The following KLHDC4 variants were observed in gnomAD, a reference collection of about 807,000 sequenced individuals.
KLHDC4 encodes the protein kelch domain-containing protein 4.
In KLHDC4, 90 loss-of-function variants were observed where a neutral mutation model predicts 62.4. The observed-to-expected ratio is 1.44, with a 90% CI of 1.22 to 1.72. KLHDC4 has a LOEUF of 1.72. KLHDC4 is among the 40% of genes most tolerant of loss of function. KLHDC4 has a pLI of 0.00. For synonymous variants in KLHDC4, 386 were observed against 284.4 expected, an observed-to-expected ratio of 1.36 and a Z score of -3.59; for missense variants, 1,025 against 699.7, an observed-to-expected ratio of 1.47 and a Z score of -5.25.
chr16:87,746,271 TGAA>T (rs1266651702), intron 5 of KLHDC4, among the ~76,000 whole-genome samples: 1 of 147,432 alleles, frequency 6.8e-6, no homozygotes, highest in Admixed American at 6.8e-5. Context: ...CTTTGTCTCT[TGAA>T]GAAGGAAGAA....
At chr16:87,722,861 G>A (rs745335877) in intron 7 of KLHDC4, among the ~76,000 whole-genome samples, 46 of 152,248 alleles carry the variant, frequency 3.0e-4, no homozygotes, top group Non-Finnish European at 1.0e-4. Flanking sequence ...CAGGGGTCAG[G>A]CACTCTCCAA....
chr16:87,765,221 G>A (rs1028574257), intron 1 of KLHDC4: 33 of 455,914 alleles, frequency 7.2e-5, no homozygotes, highest in Non-Finnish European at 1.3e-4. Flanking sequence ...GGACCAGAGG[G>A]AAGGAGACAA....
chr16:87,709,239 C>T (rs775779871), intron 10 of KLHDC4, 26 bp downstream of exon 10: 20 of 1,593,880 alleles, frequency 1.3e-5, no homozygotes, highest in Middle Eastern at 1.7e-4. Flanking sequence ...CTCCCGGGCA[C>T]GGAGGCACCA....
intron 7 of KLHDC4, among the ~76,000 whole-genome samples, chr16:87,718,676 C>T (rs1284252424): frequency 3.3e-5 from 5 of 151,690 alleles, no homozygotes; most frequent in African/African-American, 9.7e-5. Flanking sequence ...GCGTCTCTGC[C>T]TGGCCGCCCA....
intron 7 of KLHDC4, among the ~76,000 whole-genome samples, chr16:87,722,099 A>G (rs1046462077): frequency 1.3e-5 from 2 of 152,204 alleles, no homozygotes; most frequent in African/African-American, 4.8e-5. Context: ...TGCTGGGTCT[A>G]AGGACTGAGT....
chr16:87,713,827 T>C (rs369091713), intron 8 of KLHDC4, among the ~76,000 whole-genome samples: 2 of 152,216 alleles, frequency 1.3e-5, no homozygotes, highest in South Asian at 2.1e-4. Flanking sequence ...ATGATGATTG[T>C]TCCCCTGTGC....
At chr16:87,761,908 AG>A in intron 2 of KLHDC4, 40 bp downstream of exon 2, 3 of 1,590,924 alleles carry the variant, frequency 1.9e-6, no homozygotes, top group Non-Finnish European at 2.6e-6. Flanking sequence ...AATGTATAGA[AG>A]AAAAGGAAAC....
chr16:87,710,098 A>T (rs1282859844), intron 9 of KLHDC4: 2 of 170,416 alleles, frequency 1.2e-5, no homozygotes, highest in Non-Finnish European at 2.5e-5. Flanking sequence ...CAAGCAAGAC[A>T]GACGGTCAGG....
At chr16:87,701,631 T>C (rs752558881) in exon 1 of KLHDC4, 31 of 450,332 alleles carry the variant, frequency 6.9e-5, no homozygotes, top group South Asian at 2.8e-4. Flanking sequence ...CAACCTCACA[T>C]GCCTACCTCA....
intron 7 of KLHDC4, among the ~76,000 whole-genome samples, chr16:87,716,432 CGA>C: frequency 6.6e-6 from 1 of 152,306 alleles, no homozygotes; most frequent in South Asian, 2.1e-4. Context: ...GGTTGTTCAA[CGA>C]CACACAGCTG....
At chr16:87,702,725 C>G (rs1169971003), upstream of KLHDC4, 1 of 210,198 alleles carries the variant, frequency 4.8e-6, no homozygotes, top group Non-Finnish European at 9.8e-6. Context: ...GAGCCTGCTG[C>G]AAACATCTCT....
At chr16:87,714,335 G>GGGGGGGCCCCCCC in intron 8 of KLHDC4, 163 bp downstream of exon 8, 1 of 150,338 alleles carries the variant, frequency 6.7e-6, no homozygotes, top group Non-Finnish European at 1.5e-5. Context: ...TATGGAGCCT[G>GGGGGGGCCCCCCC]TCCCACCCGG....
chr16:87,700,624 G>A (rs1597318736), exon 1 of KLHDC4: 1 of 220,318 alleles, frequency 4.5e-6, no homozygotes, highest in South Asian at 4.7e-5. Flanking sequence ...ACAGGGTGGA[G>A]GGAGGAGGGA....
At chr16:87,735,094 C>T (rs190568330) in intron 5 of KLHDC4, among the ~76,000 whole-genome samples, 7 of 151,258 alleles carry the variant, frequency 4.6e-5, no homozygotes, top group Non-Finnish European at 7.4e-5. Context: ...AGGATCAGAC[C>T]TTCATTCAAA....
At chr16:87,743,635 G>A (rs986946361) in intron 5 of KLHDC4, among the ~76,000 whole-genome samples, 1 of 151,908 alleles carries the variant, frequency 6.6e-6, no homozygotes, top group African/African-American at 2.4e-5. Flanking sequence ...AGCTACTCGG[G>A]AGGCTGAGGC....
At chr16:87,729,415 G>C (rs1006686083) in intron 6 of KLHDC4, 1 of 152,238 alleles carries the variant, frequency 6.6e-6, no homozygotes. Context: ...CGGAGATACA[G>C]ACAGCCACTG....
chr16:87,765,891 C>A lies in KLHDC4; in HGVS notation c.-1G>T. 6.4e-7 allele frequency: 1 copy of A among 1,551,294 alleles called. No individual in the cohort carries two copies. Among genetic ancestry groups the A allele is most frequent in the Non-Finnish European group, 8.7e-7 (1 of 1,146,912 alleles). ...TCTCCTTCTTGCCCTTCTTGCCCAT[C>A]TTGCCGGGTCCCAAGCCGCGACGGG... is the stretch of plus-strand genomic sequence containing the variant. On this transcript the variant is annotated 5_prime_UTR_variant, in exon 1 of 12. Coordinates refer to ENST00000270583, the MANE Select transcript of KLHDC4 (RefSeq NM_017566.4).
At chr16:87,739,120 T>TCCACACACCAGCACCTCATCCAC (rs2041845913) in intron 5 of KLHDC4, among the ~76,000 whole-genome samples, 7 of 26,850 alleles carry the variant, frequency 2.6e-4, no homozygotes, top group African/African-American at 6.7e-4. Flanking sequence ...ACCTCATCCA[T>TCCACACACCAGCACCTCATCCAC]CCACACACCA....
intron 8 of KLHDC4, among the ~76,000 whole-genome samples, chr16:87,711,916 T>G (rs941070801): frequency 2.6e-5 from 3 of 116,232 alleles, no homozygotes; most frequent in Non-Finnish European, 4.8e-5. Context: ...GCTGAATGCC[T>G]GTGCCAGCCC....
Sources: allele counts gnomAD v4.1 joint callset (sites outside exome capture counted in the v4.1 genomes callset), GRCh38; gene constraint gnomAD v4.1.1; transcripts MANE v1.5; gene names NCBI Gene and HGNC (gene_info 2026-07-23, HGNC 2026-07-21).